The following SMYD2 variants were observed in gnomAD, a reference collection of about 807,000 sequenced individuals.
SMYD2 encodes N-lysine methyltransferase SMYD2.
In SMYD2, 53 loss-of-function variants were observed where a neutral mutation model predicts 59.1. That is an observed-to-expected ratio of 0.90 (90% CI 0.72 to 1.13). The LOEUF (loss-of-function observed/expected upper bound fraction) is 1.13. Ranked by LOEUF, SMYD2 falls within the 50% of genes most tolerant of loss-of-function variation. The probability of loss-of-function intolerance (pLI) is 0.00; values close to 1 mark genes in which losing one functional copy is unlikely to be tolerated. For synonymous variants in SMYD2, 208 were observed against 198.8 expected, an observed-to-expected ratio of 1.05 and a Z score of -0.39; for missense variants, 494 against 544.7, an observed-to-expected ratio of 0.91 and a Z score of 0.93.
intron 11 of SMYD2, 117 bp downstream of exon 11, chr1:214,334,425 C>CA: frequency 1.1e-6 from 1 of 926,092 alleles, no homozygotes; most frequent in Non-Finnish European, 1.7e-6. Flanking sequence ...AGCTCTCACC[C>CA]ACCCTCTTGC....
At chr1:214,334,649 G>GT (rs1346427159) in intron 11 of SMYD2, among the ~76,000 whole-genome samples, 1 of 152,196 alleles carries the variant, frequency 6.6e-6, no homozygotes, top group Non-Finnish European at 1.5e-5. Context: ...AAATCAAGGA[G>GT]GTAGGATATG....
intron 5 of SMYD2, among the ~76,000 whole-genome samples, chr1:214,320,448 A>T (rs1657155405): frequency 6.6e-6 from 1 of 152,216 alleles, no homozygotes; most frequent in African/African-American, 2.4e-5. Flanking sequence ...CAAAAAGCAC[A>T]CACTTTAAAA....
intron 1 of SMYD2, among the ~76,000 whole-genome samples, chr1:214,283,801 T>C (rs921678003): frequency 2.6e-5 from 4 of 152,186 alleles, no homozygotes; most frequent in African/African-American, 9.7e-5. Flanking sequence ...CCTTATCCTT[T>C]CTTTTGCCAG....
chr1:214,312,974 T>C lies in SMYD2; in HGVS notation c.238-1788T>C, dbSNP rs1657021863. On this transcript the variant is annotated intron_variant, in intron 2 of 11. Coordinates refer to ENST00000366957, the MANE Select transcript of SMYD2 (RefSeq NM_020197.3). This position sits in a 1 kb window ranked among gnomAD's most constrained non-coding sequence, Gnocchi z 4.1. The stretch of plus-strand genomic sequence containing the variant: ...GGCAGGACATTAGTCATGAGAGATG[T>C]TGGGGCTGCAGCCGGGTAGAAAGGT... 6.6e-6 allele frequency among the ~76,000 whole-genome samples: 1 copy of C among 152,158 alleles called. No individual in the cohort carries two copies. Among genetic ancestry groups the C allele is most frequent in the Non-Finnish European group, 1.5e-5 (1 of 68,026 alleles).
At chr1:214,320,239 T>C (rs369290708) in intron 5 of SMYD2, among the ~76,000 whole-genome samples, 2 of 152,168 alleles carry the variant, frequency 1.3e-5, no homozygotes, top group South Asian at 4.1e-4. Flanking sequence ...TGACATAACA[T>C]TAAGTATCAA....
At chr1:214,281,519 G>A (rs1380366609) in intron 1 of SMYD2, 92 bp downstream of exon 1, 117 of 1,169,976 alleles carry the variant, frequency 1.0e-4, no homozygotes, top group South Asian at 3.9e-4. Flanking sequence ...TGCGGCTCGC[G>A]GGGTCCTAGC....
chr1:214,316,659 G>A (rs1488796276), intron 3 of SMYD2, among the ~76,000 whole-genome samples: 1 of 152,162 alleles, frequency 6.6e-6, no homozygotes, highest in Non-Finnish European at 1.5e-5. Context: ...TGTGTAAACA[G>A]AAGTAGAACA....
At chr1:214,327,940 C>T (rs558738565) in intron 7 of SMYD2, among the ~76,000 whole-genome samples, 2 of 152,280 alleles carry the variant, frequency 1.3e-5, no homozygotes, top group African/African-American at 4.8e-5. Flanking sequence ...TTGGTACATA[C>T]ATTTCCATCT....
chr1:214,312,709 T>C lies in SMYD2; in HGVS notation c.238-2053T>C, dbSNP rs994517505. 1.3e-5 allele frequency among the ~76,000 whole-genome samples: 2 copies of C among 152,096 alleles called. No individual in the cohort carries two copies. The highest frequency in any genetic ancestry group is 4.8e-5 in the African/African-American group (2 of 41,416). On this transcript the variant is annotated intron_variant, in intron 2 of 11. Coordinates refer to ENST00000366957, the MANE Select transcript of SMYD2 (RefSeq NM_020197.3). This position sits in a 1 kb window ranked among gnomAD's most constrained non-coding sequence, Gnocchi z 4.1. ...AGGACACTTCTGTGGCTAAGTGCAG[T>C]GAGGCAGGTGAGAGTACGGTGGGGG...
intron 2 of SMYD2, among the ~76,000 whole-genome samples, chr1:214,314,233 T>C (rs1027055511): frequency 6.6e-6 from 1 of 152,030 alleles, no homozygotes. Flanking sequence ...CTTTGGGAAG[T>C]CCTAACTATT....
intron 1 of SMYD2, among the ~76,000 whole-genome samples, chr1:214,292,237 T>G (rs1158415978): frequency 1.3e-5 from 2 of 152,156 alleles, no homozygotes; most frequent in African/African-American, 4.8e-5. Context: ...AGGAGCCATA[T>G]CTGAGTCTAG....
chr1:214,323,495 A>C (rs1657205244), intron 5 of SMYD2, among the ~76,000 whole-genome samples: 1 of 152,000 alleles, frequency 6.6e-6, no homozygotes, highest in Non-Finnish European at 1.5e-5. Context: ...GCAGTGGTGT[A>C]ATCTCGGCTT....
chr1:214,281,443 CGGCGGCGGCG>C lies in SMYD2; in HGVS notation c.173+22_173+31del. The C allele has an allele frequency of 1.4e-6, 2 of 1,384,058 alleles. No individual in the cohort carries two copies. Among genetic ancestry groups the C allele is most frequent in the Admixed American group, 2.8e-5 (1 of 35,206 alleles). The allele number at this position is 1,384,058 out of a possible 1,614,324, so 85.7% of individuals were successfully genotyped here. On this transcript the variant is annotated intron_variant, in intron 1 of 11. Coordinates refer to ENST00000366957, the MANE Select transcript of SMYD2 (RefSeq NM_020197.3). ...GCTTCACCAGGTAGGGCGGCGGCGG[CGGCGGCGGCG>C]GGCGGGAGCCGGGGGCGCCGAGCGG...
chr1:214,323,948 A>G (rs4655243), intron 5 of SMYD2, among the ~76,000 whole-genome samples: 44,837 of 151,618 alleles, frequency 0.3, 6,966 homozygotes, highest in Non-Finnish European at 0.34. Flanking sequence ...TTTTTTTGAG[A>G]CAGAGTTTCG....
intron 2 of SMYD2, among the ~76,000 whole-genome samples, chr1:214,310,501 T>TA (rs1195368085): frequency 7.5e-6 from 1 of 133,200 alleles, no homozygotes; most frequent in Admixed American, 7.2e-5. Context: ...TGTATTTTAT[T>TA]AATTTTTTTT....
chr1:214,306,478 C>T (rs917381655), intron 2 of SMYD2, among the ~76,000 whole-genome samples: 2 of 152,192 alleles, frequency 1.3e-5, no homozygotes, highest in Admixed American at 6.5e-5. Flanking sequence ...CCATATGCAC[C>T]GTCCCCTTCC....
intron 5 of SMYD2, among the ~76,000 whole-genome samples, chr1:214,320,399 G>A (rs558674111): frequency 4.4e-4 from 67 of 152,316 alleles, no homozygotes; most frequent in Middle Eastern, 3.4e-3. Flanking sequence ...CAGTGAGCAT[G>A]TATAACTTAC....
intron 1 of SMYD2, among the ~76,000 whole-genome samples, chr1:214,294,820 C>T (rs975399186): frequency 6.6e-6 from 1 of 152,124 alleles, no homozygotes; most frequent in Non-Finnish European, 1.5e-5. Flanking sequence ...GAATTTTTAC[C>T]ATGGTTTATT....
chr1:214,305,093 T>C, intron 1 of SMYD2, 94 bp from the exon 2 acceptor site: 2 of 1,220,290 alleles, frequency 1.6e-6, no homozygotes, highest in Non-Finnish European at 1.2e-6. Context: ...TTGGCTCTGC[T>C]TTCCAACCAA....
Sources: allele counts gnomAD v4.1 joint callset (sites outside exome capture counted in the v4.1 genomes callset), GRCh38; gene constraint gnomAD v4.1.1; non-coding constraint Gnocchi (gnomAD v3.1); transcripts MANE v1.5; gene names NCBI Gene and HGNC (gene_info 2026-07-23, HGNC 2026-07-21).